Variants in DEPDC4 observed in about 807,000 individuals in gnomAD.
DEPDC4 encodes the protein DEP domain-containing protein 4.
A neutral mutation model predicts 52.0 loss-of-function variants in DEPDC4; 52 were observed. That is an observed-to-expected ratio of 1.00 (90% CI 0.80 to 1.26). DEPDC4 has a LOEUF of 1.26. Among genes scored for constraint, DEPDC4 ranks in the 50% most tolerant of loss-of-function variants. DEPDC4 has a pLI of 0.00. For synonymous variants in DEPDC4, 201 were observed against 196.8 expected (o/e 1.02, Z -0.18); for missense variants, 530 against 546.9 (o/e 0.97, Z 0.31).
upstream of DEPDC4, among the ~76,000 whole-genome samples, chr12:100,268,946 G>A (rs1473596236): frequency 1.3e-5 from 2 of 152,032 alleles, no homozygotes; most frequent in African/African-American, 4.8e-5. Context: ...TCTGCTCTTC[G>A]TCTGTAACAG....
At chr12:100,237,141 G>A (rs934337277), downstream of DEPDC4, among the ~76,000 whole-genome samples, 1 of 151,146 alleles carries the variant, frequency 6.6e-6, no homozygotes, top group Non-Finnish European at 1.5e-5. Context: ...TGTTCTTTTT[G>A]CTTAGTCTTG....
the DEPDC4 span, among the ~76,000 whole-genome samples, chr12:100,279,176 C>T: frequency 7.9e-5 from 12 of 152,290 alleles, no homozygotes; most frequent in Middle Eastern, 3.4e-3. Context: ...GGATGGGAGG[C>T]TTGGTTTCAG....
At chr12:100,265,155 A>G (rs1213092073) in intron 1 of DEPDC4, among the ~76,000 whole-genome samples, 1 of 151,990 alleles carries the variant, frequency 6.6e-6, no homozygotes, top group African/African-American at 2.4e-5. Flanking sequence ...TTAGTGGGGC[A>G]TGGTGGCGTG....
At chr12:100,231,982 TA>T (rs1475347162) in intron 9 of DEPDC4, among the ~76,000 whole-genome samples, 2 of 152,064 alleles carry the variant, frequency 1.3e-5, no homozygotes, top group African/African-American at 2.4e-5. Flanking sequence ...ATGTCTCATA[TA>T]TTCATTTTTA....
rs111916982 is a variant in DEPDC4, at chr12:100,254,510, G to C, written c.879-795C>G. Among the ~76,000 whole-genome samples the C allele has an allele frequency of 4.1e-3, 619 of 151,726 alleles. 5 individuals carry two copies. The highest frequency in any genetic ancestry group is 0.025 in the South Asian group (120 of 4,772). On this transcript the variant is annotated intron_variant, in intron 4 of 9. Coordinates refer to ENST00000550587, the MANE Select transcript of DEPDC4 (RefSeq NM_001364818.2). The stretch of plus-strand genomic sequence containing the variant: ...CAGGCTAATTTTTGTATTTTGCATA[G>C]AGACGGGGTTTTACTATGGTTGCTC...
At chr12:100,279,385 G>A in the DEPDC4 span, among the ~76,000 whole-genome samples, 1 of 152,232 alleles carries the variant, frequency 6.6e-6, no homozygotes, top group Admixed American at 6.5e-5. Flanking sequence ...TCTGCAGCCC[G>A]GTTCCTAATA....
chr12:100,239,682 G>A (rs1300123713), downstream of DEPDC4, among the ~76,000 whole-genome samples: 2 of 151,904 alleles, frequency 1.3e-5, no homozygotes, highest in South Asian at 4.2e-4. Context: ...ACCAGGCCAA[G>A]CCTTAGCTGA....
upstream of DEPDC4, chr12:100,267,198 C>G: frequency 9.3e-7 from 1 of 1,077,054 alleles, no homozygotes; most frequent in South Asian, 1.6e-5. Context: ...CCCTCCCTTA[C>G]TCTTCGTCCC....
downstream of DEPDC4, among the ~76,000 whole-genome samples, chr12:100,238,642 T>A (rs1028132648): frequency 2.0e-5 from 3 of 151,422 alleles, no homozygotes; most frequent in Non-Finnish European, 2.9e-5. Flanking sequence ...CCCACCACTG[T>A]ACCTGGCTAA....
intron 3 of DEPDC4, among the ~76,000 whole-genome samples, chr12:100,257,306 G>A (rs1263374658): frequency 6.6e-6 from 1 of 151,256 alleles, no homozygotes; most frequent in Non-Finnish European, 1.5e-5. Flanking sequence ...TCAAACTTCT[G>A]ACCTCAAGTG....
chr12:100,278,055 A>G, the DEPDC4 span, among the ~76,000 whole-genome samples: 2 of 152,184 alleles, frequency 1.3e-5, no homozygotes, highest in Non-Finnish European at 2.9e-5. Context: ...TTCTGCATAT[A>G]TTATAAACAC....
rs113009767 is a variant in DEPDC4, at chr12:100,255,876, T to C, written c.878+173A>G. The C allele has an allele frequency of 7.9e-3, 3,675 of 464,038 alleles. 108 individuals carry two copies. The highest frequency in any genetic ancestry group is 0.061 in the African/African-American group (3,147 of 51,692). 28.7% of individuals were successfully genotyped at this position (464,038 alleles called of 1,614,324 possible). A position where few individuals can be genotyped will look rare whatever the true frequency, so the allele number is the denominator to read the frequency against. The stretch of plus-strand genomic sequence containing the variant: ...ACCACTCTGATTTCCAGTGATCTTA[T>C]AGGTCATGACCAATGGCTTTATTAG... On this transcript the variant is annotated intron_variant, in intron 4 of 9. Transcript: ENST00000550587.
chr12:100,271,427 T>C (rs1418158125), upstream of DEPDC4, among the ~76,000 whole-genome samples: 6 of 152,222 alleles, frequency 3.9e-5, no homozygotes, highest in African/African-American at 1.4e-4. Flanking sequence ...AATTCTTGAA[T>C]GTAATTCTTA....
chr12:100,249,501 C>A (rs188855273), intron 7 of DEPDC4, among the ~76,000 whole-genome samples: 202 of 152,194 alleles, frequency 1.3e-3, no homozygotes, highest in African/African-American at 4.5e-3. Flanking sequence ...ACAACAAAAA[C>A]CCCCAAACAA....
chr12:100,254,652 C>T (rs1163347140), intron 4 of DEPDC4, among the ~76,000 whole-genome samples: 1 of 151,976 alleles, frequency 6.6e-6, no homozygotes, highest in Non-Finnish European at 1.5e-5. Flanking sequence ...CCTCAAGTAT[C>T]TTTCTTTCCT....
chr12:100,250,435 G>T (rs569726748), intron 7 of DEPDC4, among the ~76,000 whole-genome samples: 90 of 152,210 alleles, frequency 5.9e-4, no homozygotes, highest in African/African-American at 2.1e-3. Context: ...GGCCAGGCTG[G>T]TCTCGAACTC....
At chr12:100,267,623 G>C (rs1467159285), upstream of DEPDC4, 1 of 152,370 alleles carries the variant, frequency 6.6e-6, no homozygotes. Context: ...GAGCTCCGGG[G>C]AGCGGATCCG....
downstream of DEPDC4, among the ~76,000 whole-genome samples, chr12:100,235,255 T>A (rs145308730): frequency 6.6e-6 from 1 of 152,020 alleles, no homozygotes; most frequent in Non-Finnish European, 1.5e-5. Context: ...TAATCTAGAA[T>A]ACTCATCTGA....
chr12:100,280,163 G>GT, the DEPDC4 span, among the ~76,000 whole-genome samples: 1 of 152,126 alleles, frequency 6.6e-6, no homozygotes, highest in Non-Finnish European at 1.5e-5. Context: ...ATTTTGTTCA[G>GT]TTTTCTAGTT....
Sources: allele counts gnomAD v4.1 joint callset (sites outside exome capture counted in the v4.1 genomes callset), GRCh38; gene constraint gnomAD v4.1.1; transcripts MANE v1.5; gene names NCBI Gene and HGNC (gene_info 2026-07-23, HGNC 2026-07-21).